The following NBAS variants were observed in gnomAD, a reference collection of about 807,000 sequenced individuals.
NBAS encodes NAG/BC035112 fusion.
A neutral mutation model predicts 302.5 loss-of-function variants in NBAS; 219 were observed. The ratio of observed to expected loss-of-function variants is 0.72; its 90% CI spans 0.65 to 0.81. NBAS has a LOEUF of 0.81. Ranked by LOEUF, NBAS falls within the 30% of genes least tolerant of loss-of-function variation. NBAS has a pLI of 0.00. For missense variants in NBAS, 2,932 were observed against 2,841.6 expected, an observed-to-expected ratio of 1.03 and a Z score of -0.72; for synonymous variants, 1,118 against 1,021.6, an observed-to-expected ratio of 1.09 and a Z score of -1.80.
At chr2:15,561,082 T>A (rs1664895090) in intron 1 of NBAS, 106 bp downstream of exon 1, 1 of 853,366 alleles carries the variant, frequency 1.2e-6, no homozygotes, top group Non-Finnish European at 1.8e-6. Flanking sequence ...CCGGCCCTAG[T>A]CCCCCACCCA....
chr2:15,042,337 A>C, the NBAS span, among the ~76,000 whole-genome samples: 208 of 152,378 alleles, frequency 1.4e-3, 3 homozygotes, highest in Admixed American at 0.012. Context: ...AGTAATGACC[A>C]TAATTTAGTC....
At chr2:15,508,628 T>C (rs1661985177) in intron 10 of NBAS, among the ~76,000 whole-genome samples, 1 of 125,712 alleles carries the variant, frequency 8.0e-6, no homozygotes, top group Admixed American at 8.3e-5. Context: ...TTTGTCACAT[T>C]TGCTTTATCT....
chr2:15,287,541 T>C (rs1386609451), intron 41 of NBAS, among the ~76,000 whole-genome samples: 2 of 152,174 alleles, frequency 1.3e-5, no homozygotes, highest in Admixed American at 6.5e-5. Flanking sequence ...CCAGGGATGC[T>C]GCTGAGCATC....
chr2:15,171,290 T>A (rs982911711), intron 51 of NBAS, among the ~76,000 whole-genome samples: 4 of 152,192 alleles, frequency 2.6e-5, no homozygotes, highest in African/African-American at 9.6e-5. Context: ...GTAATTTGTA[T>A]GTCATCCATG....
At chr2:14,900,372 T>G in the NBAS span, among the ~76,000 whole-genome samples, 1 of 152,204 alleles carries the variant, frequency 6.6e-6, no homozygotes, top group African/African-American at 2.4e-5. Context: ...TTAAAAGGCT[T>G]ACTCTGTTCC....
chr2:15,004,317 T>C, the NBAS span, among the ~76,000 whole-genome samples: 3 of 152,242 alleles, frequency 2.0e-5, no homozygotes, highest in Non-Finnish European at 2.9e-5. Flanking sequence ...TCGGGAAATT[T>C]TTAAAAATAG....
the NBAS span, among the ~76,000 whole-genome samples, chr2:14,965,282 C>G: frequency 6.6e-6 from 1 of 151,694 alleles, no homozygotes; most frequent in Non-Finnish European, 1.5e-5. Flanking sequence ...AAATTGAGAC[C>G]CCCCCTACCC....
At chr2:14,975,822 T>C in the NBAS span, among the ~76,000 whole-genome samples, 1 of 146,224 alleles carries the variant, frequency 6.8e-6, no homozygotes, top group Non-Finnish European at 1.5e-5. Context: ...TCATCATGAC[T>C]GGTAGAAAAA....
chr2:15,258,388 G>A (rs571114420), intron 44 of NBAS, among the ~76,000 whole-genome samples: 37 of 152,202 alleles, frequency 2.4e-4, no homozygotes, highest in African/African-American at 8.7e-4. Context: ...CTGCCTGTGG[G>A]GTTGGGCAAA....
the NBAS span, among the ~76,000 whole-genome samples, chr2:15,041,654 A>C: frequency 7.2e-5 from 11 of 152,206 alleles, no homozygotes; most frequent in Non-Finnish European, 1.0e-4. Flanking sequence ...TCAGGACAGC[A>C]GTAAGTACTC....
the NBAS span, among the ~76,000 whole-genome samples, chr2:14,914,695 C>T: frequency 6.6e-6 from 1 of 152,094 alleles, no homozygotes; most frequent in African/African-American, 2.4e-5. Flanking sequence ...AAGACACAGA[C>T]AGTGAATGTG....
At chr2:15,144,019 C>CTATATATATATATATCCTATATATA in the NBAS span, among the ~76,000 whole-genome samples, 1 of 112,218 alleles carries the variant, frequency 8.9e-6, no homozygotes, top group East Asian at 4.6e-4. Context: ...TGAGTTAATA[C>CTATATATATATATATCCTATATATA]TATATATATA....
chr2:15,522,160 C>CT (rs573438164), intron 9 of NBAS, among the ~76,000 whole-genome samples: 23 of 152,194 alleles, frequency 1.5e-4, no homozygotes, highest in Admixed American at 1.2e-3. Flanking sequence ...ACTTTAAGAC[C>CT]TGTAATTCTT....
At chr2:14,990,657 G>A in the NBAS span, among the ~76,000 whole-genome samples, 3 of 151,976 alleles carry the variant, frequency 2.0e-5, no homozygotes, top group Non-Finnish European at 4.4e-5. Context: ...TTAGAGACAG[G>A]GCCTCACTAT....
chr2:15,469,800 A>G (rs1679879457), intron 16 of NBAS, among the ~76,000 whole-genome samples: 1 of 133,868 alleles, frequency 7.5e-6, no homozygotes, highest in Admixed American at 8.4e-5. Context: ...GAACACATGG[A>G]CACAGGGTGG....
chr2:15,030,989 C>A, the NBAS span, among the ~76,000 whole-genome samples: 4 of 152,178 alleles, frequency 2.6e-5, no homozygotes, highest in Non-Finnish European at 4.4e-5. Flanking sequence ...CTCCTTTGTC[C>A]CCGGCACTGC....
chr2:15,230,573 G>A (rs16862432), intron 47 of NBAS, among the ~76,000 whole-genome samples: 12,420 of 152,152 alleles, frequency 0.082, 839 homozygotes, highest in East Asian at 0.31. Context: ...TTCTGTAAAC[G>A]TGGCTAGAAA....
At chr2:15,045,998 G>A in the NBAS span, among the ~76,000 whole-genome samples, 1 of 152,300 alleles carries the variant, frequency 6.6e-6, no homozygotes, top group African/African-American at 2.4e-5. Context: ...TCACCAATTA[G>A]TGAGCTCTTC....
At position 15,522,355 on chromosome 2, in the gene NBAS, C is replaced by G. The variant is rs148909239; in HGVS notation, c.747-11005G>C. On this transcript the variant is annotated intron_variant, in intron 9 of 51. Coordinates refer to ENST00000281513, the MANE Select transcript of NBAS (RefSeq NM_015909.4). ...GTTGAGAATTATCTAACATAAATCT[C>G]AAGTTTTGGCCTGGTGGAAATATTA... 3.1e-3 allele frequency among the ~76,000 whole-genome samples: 465 copies of G among 152,162 alleles called. 1 individual carries two copies. Among genetic ancestry groups the G allele is most frequent in the African/African-American group, 0.01 (431 of 41,488 alleles).
Sources: allele counts gnomAD v4.1 joint callset (sites outside exome capture counted in the v4.1 genomes callset), GRCh38; gene constraint gnomAD v4.1.1; transcripts MANE v1.5; gene names NCBI Gene and HGNC (gene_info 2026-07-23, HGNC 2026-07-21).